The following DYNC2H1 variants were observed in gnomAD, a reference collection of about 807,000 sequenced individuals.
DYNC2H1 encodes cytoplasmic dynein 2 heavy chain 1.
In DYNC2H1, 410 loss-of-function variants were observed where a neutral mutation model predicts 570.0. The ratio of observed to expected loss-of-function variants is 0.72; its 90% CI spans 0.66 to 0.78. The LOEUF is 0.78. DYNC2H1 is among the 30% of genes least tolerant of loss of function. DYNC2H1 has a pLI of 0.00. For missense variants in DYNC2H1, 4,865 were observed against 5,046.4 expected (o/e 0.96, Z 1.09); for synonymous variants, 1,688 against 1,677.6 (o/e 1.01, Z -0.15).
chr11:103,282,140 A>G (rs1222021925), intron 71 of DYNC2H1, 39 bp from the exon 72 acceptor site: 3 of 1,585,072 alleles, frequency 1.9e-6, no homozygotes, highest in Admixed American at 3.5e-5. Flanking sequence ...ACTGGTTATC[A>G]TTTTTATATT....
intron 83 of DYNC2H1, among the ~76,000 whole-genome samples, chr11:103,381,050 G>A (rs1461649721): frequency 7.9e-5 from 12 of 152,194 alleles, no homozygotes; most frequent in African/African-American, 2.9e-4. Context: ...AAGGGAGCAT[G>A]GAGGTGATAT....
At chr11:103,147,531 C>G (rs1181751062) in intron 18 of DYNC2H1, among the ~76,000 whole-genome samples, 1 of 151,896 alleles carries the variant, frequency 6.6e-6, no homozygotes, top group Non-Finnish European at 1.5e-5. Flanking sequence ...TTTTTTGAAG[C>G]TGATATGCTG....
At chr11:103,382,346 A>T (rs1269489595) in intron 83 of DYNC2H1, among the ~76,000 whole-genome samples, 1 of 152,200 alleles carries the variant, frequency 6.6e-6, no homozygotes, top group East Asian at 1.9e-4. Flanking sequence ...TTTGTCCAGA[A>T]TGTTCCCTAG....
intron 84 of DYNC2H1, among the ~76,000 whole-genome samples, chr11:103,423,002 G>A (rs754192661): frequency 2.0e-5 from 3 of 151,946 alleles, no homozygotes; most frequent in Non-Finnish European, 4.4e-5. Context: ...TTGGCAATTT[G>A]AGTCTATTTT....
intron 82 of DYNC2H1, among the ~76,000 whole-genome samples, chr11:103,336,828 A>G (rs1300135674): frequency 6.6e-6 from 1 of 152,128 alleles, no homozygotes; most frequent in Admixed American, 6.5e-5. Flanking sequence ...TATACCCAGC[A>G]GTGAGATTGC....
intron 40 of DYNC2H1, 109 bp from the exon 41 acceptor site, chr11:103,184,787 G>T: frequency 8.7e-7 from 1 of 1,152,582 alleles, no homozygotes; most frequent in South Asian, 2.1e-5. Flanking sequence ...AGAGGAGTGA[G>T]TTTAAAAATG....
intron 84 of DYNC2H1, among the ~76,000 whole-genome samples, chr11:103,427,457 G>A (rs1202344764): frequency 6.6e-6 from 1 of 152,066 alleles, no homozygotes; most frequent in East Asian, 1.9e-4. Flanking sequence ...TGTATACCAT[G>A]CTGTAGATAG....
At chr11:103,164,981 TG>T (rs1452237550) in intron 30 of DYNC2H1, among the ~76,000 whole-genome samples, 26 of 152,200 alleles carry the variant, frequency 1.7e-4, no homozygotes, top group Non-Finnish European at 3.7e-4. Flanking sequence ...AAAGCAGATT[TG>T]GTTCTCCATA....
At chr11:103,259,351 C>T (rs189764262) in intron 69 of DYNC2H1, among the ~76,000 whole-genome samples, 1 of 152,066 alleles carries the variant, frequency 6.6e-6, no homozygotes, top group Admixed American at 6.6e-5. Context: ...TCAATTATTA[C>T]AATCTTGCAA....
At chr11:103,191,740 AATATTTTTATTAAAATTATT>A (rs1204848845) in intron 46 of DYNC2H1, 121 bp downstream of exon 46, 3 of 435,282 alleles carry the variant, frequency 6.9e-6, no homozygotes, top group Non-Finnish European at 1.1e-5. Context: ...ATTAAATAGA[AATATTTTTATTAAAATTATT>A]ATATTTCTTC....
chr11:103,161,175 C>T (rs746712501), intron 29 of DYNC2H1, 131 bp downstream of exon 29: 15 of 455,956 alleles, frequency 3.3e-5, no homozygotes, highest in Non-Finnish European at 5.5e-5. Flanking sequence ...CAGCTCATAT[C>T]TTAAAAATGA....
At chr11:103,290,222 C>T (rs139514762) in intron 75 of DYNC2H1, among the ~76,000 whole-genome samples, 451 of 152,196 alleles carry the variant, frequency 3.0e-3, no homozygotes, top group Middle Eastern at 6.8e-3. Flanking sequence ...TAACCCATAA[C>T]ACCTACCAAC....
intron 84 of DYNC2H1, among the ~76,000 whole-genome samples, chr11:103,422,373 G>A (rs796463746): frequency 6.6e-6 from 1 of 151,934 alleles, no homozygotes; most frequent in African/African-American, 2.4e-5. Flanking sequence ...CCAAAACTTG[G>A]CAGAGACAAC....
Position 103,256,542 on chromosome 11 carries a change from T to G in DYNC2H1, c.10461+302T>G, listed in dbSNP as rs1168155766. On this transcript the variant is annotated intron_variant, in intron 68 of 88. Coordinates refer to ENST00000375735, the MANE Select transcript of DYNC2H1 (RefSeq NM_001377.3). This position sits in a 1 kb window ranked among gnomAD's most constrained non-coding sequence, Gnocchi z 4.0. ...AAATTGGAAATGAGTATATTGAAAA[T>G]GAGTATTAGAGAATATCTTTGCCGT... Among the ~76,000 whole-genome samples the G allele has an allele frequency of 3.9e-5, 6 of 152,304 alleles. No homozygotes were observed. The East Asian group carries it at 1.2e-3, about 29-fold the overall frequency.
At chr11:103,154,833 C>T in intron 24 of DYNC2H1, 24 bp downstream of exon 24, 1 of 1,485,498 alleles carries the variant, frequency 6.7e-7, no homozygotes, top group South Asian at 1.3e-5. Flanking sequence ...ATTATTTTGC[C>T]AATTAAAAAC....
At chr11:103,286,204 G>T (rs1866345674) in intron 73 of DYNC2H1, 51 bp from the exon 74 acceptor site, 1 of 1,587,388 alleles carries the variant, frequency 6.3e-7, no homozygotes, top group South Asian at 1.2e-5. Flanking sequence ...ATAAATGTAT[G>T]TGCTTATATT....
rs1192429315 is a variant in DYNC2H1 at position 103,330,653 on chromosome 11, C to G, written c.12039+6663C>G. ...TTATGTATATTAACTTTTGTCTCCC[C>G]AAATAAATAAAACAGTTAAAATAGC... On this transcript the variant is annotated intron_variant, in intron 82 of 88. Coordinates refer to ENST00000375735, the MANE Select transcript of DYNC2H1 (RefSeq NM_001377.3). 2.0e-5 allele frequency among the ~76,000 whole-genome samples: 3 copies of G among 151,352 alleles called. No individual in the cohort carries two copies. In the Admixed American group the frequency reaches 2.0e-4, roughly 10 times the overall value.
chr11:103,354,941 A>G (rs1161216601), intron 82 of DYNC2H1, among the ~76,000 whole-genome samples: 1 of 152,022 alleles, frequency 6.6e-6, no homozygotes, highest in Non-Finnish European at 1.5e-5. Context: ...GAAAATTCAC[A>G]GAAGGTTTCT....
At position 103,224,823 on chromosome 11, in the gene DYNC2H1, C is replaced by T. The variant is rs558030678; in HGVS notation, c.9353+1737C>T. On this transcript the variant is annotated intron_variant, in intron 59 of 88. Coordinates refer to ENST00000375735, the MANE Select transcript of DYNC2H1 (RefSeq NM_001377.3). ...TACTTTTAGTTCTTTAAGGAATCTC[C>T]ACACTGTTTTCCACAGTGGTTGTAC... Among the ~76,000 whole-genome samples, 13 of 152,236 alleles carry T rather than the reference C, an allele frequency of 8.5e-5. 1 individual carries two copies. The South Asian group carries it at 2.7e-3, about 32-fold the overall frequency.
Sources: allele counts gnomAD v4.1 joint callset (sites outside exome capture counted in the v4.1 genomes callset), GRCh38; gene constraint gnomAD v4.1.1; non-coding constraint Gnocchi (gnomAD v3.1); transcripts MANE v1.5; gene names NCBI Gene and HGNC (gene_info 2026-07-23, HGNC 2026-07-21).